Variants in ECT2L observed in about 807,000 individuals in gnomAD.
ECT2L encodes epithelial cell transforming 2 like.
In ECT2L, 126 loss-of-function variants were observed where a neutral mutation model predicts 122.8. The observed-to-expected ratio is 1.03, with a 90% confidence interval of 0.89 to 1.19. The LOEUF (loss-of-function observed/expected upper bound fraction) is 1.19, where lower values mean the gene tolerates loss of function less well. Ranked by LOEUF, ECT2L falls within the 50% of genes most tolerant of loss-of-function variation. ECT2L has a pLI of 0.00. For synonymous variants in ECT2L, 385 were observed against 381.8 expected, an observed-to-expected ratio of 1.01 and a Z score of -0.10; for missense variants, 1,012 against 1,064.1, an observed-to-expected ratio of 0.95 and a Z score of 0.68.
chr6:138,821,674 A>G (rs1182934081), intron 4 of ECT2L, among the ~76,000 whole-genome samples: 2 of 152,268 alleles, frequency 1.3e-5, no homozygotes, highest in Admixed American at 6.5e-5. Context: ...TTCTTCATTT[A>G]GCATTGAACA....
chr6:138,894,998 C>G (rs1779160719), intron 20 of ECT2L, among the ~76,000 whole-genome samples: 1 of 152,052 alleles, frequency 6.6e-6, no homozygotes, highest in Non-Finnish European at 1.5e-5. Context: ...GTGGCTCATT[C>G]CCGTAATCCC....
At chr6:138,876,346 T>C in intron 13 of ECT2L, 126 bp from the exon 14 acceptor site, 2 of 586,224 alleles carry the variant, frequency 3.4e-6, no homozygotes, top group Non-Finnish European at 6.1e-6. Context: ...TAACTCATTG[T>C]GTGTAGGGAA....
At chr6:138,871,973 T>C (rs777568058) in intron 13 of ECT2L, among the ~76,000 whole-genome samples, 1 of 150,300 alleles carries the variant, frequency 6.7e-6, no homozygotes, top group Non-Finnish European at 1.5e-5. Context: ...CTTTATTTTA[T>C]TTTTTAATTT....
intron 10 of ECT2L, among the ~76,000 whole-genome samples, chr6:138,857,370 G>A (rs1462165138): frequency 6.6e-6 from 1 of 152,148 alleles, no homozygotes; most frequent in Non-Finnish European, 1.5e-5. Flanking sequence ...ACTCAGTTAA[G>A]TCTGGGGTGG....
chr6:138,900,938 T>G lies in ECT2L; in HGVS notation c.2415-10T>G, dbSNP rs1018813864. 3.0e-5 allele frequency: 48 copies of G among 1,610,858 alleles called. No individual in the cohort carries two copies. Among genetic ancestry groups the G allele is most frequent in the Non-Finnish European group, 3.8e-5 (45 of 1,178,968 alleles). ...TGTATTAAAACTGTACCTTCTCCATTTTAACACAGGCTCTATGAACACATC... is the reference window on the plus strand; with the variant it reads ...TGTATTAAAACTGTACCTTCTCCATGTTAACACAGGCTCTATGAACACATC... On this transcript the variant is annotated splice_polypyrimidine_tract_variant and intron_variant, in intron 20 of 21. Transcript: ENST00000541398.
intron 1 of ECT2L, among the ~76,000 whole-genome samples, chr6:138,803,686 G>A (rs542373527): frequency 3.3e-5 from 5 of 152,244 alleles, no homozygotes; most frequent in Middle Eastern, 3.4e-3. Context: ...AGGAAACTGA[G>A]GCCCAAATAC....
chr6:138,876,034 G>A (rs545436645), intron 13 of ECT2L, among the ~76,000 whole-genome samples: 1 of 152,118 alleles, frequency 6.6e-6, no homozygotes, highest in African/African-American at 2.4e-5. Context: ...CAGGAGAATC[G>A]CTTGAACCTG....
chr6:138,882,812 T>C lies in ECT2L; in HGVS notation c.1969T>C (p.Leu657=). Residue 657 remains leucine (L), a synonymous_variant, in exon 16 of 22, where the codon TTA becomes CTA. Coordinates refer to ENST00000541398, the MANE Select transcript of ECT2L (RefSeq NM_001077706.3). ...GEIVTKFGSQ[L]NTYTNFFNNY... Reference sequence around the variant, plus strand: ...AATAGTCACGAAGTTTGGAAGCCAGTTAAACACATATACCAATTTCTTCAA... The same window carrying C: ...AATAGTCACGAAGTTTGGAAGCCAGCTAAACACATATACCAATTTCTTCAA... 6.2e-7 allele frequency: 1 copy of C among 1,614,216 alleles called. No individual in the cohort carries two copies. The highest frequency in any genetic ancestry group is 8.5e-7 in the Non-Finnish European group (1 of 1,180,032).
chr6:138,900,829 A>G, intron 20 of ECT2L, 119 bp from the exon 21 acceptor site: 2 of 1,103,524 alleles, frequency 1.8e-6, no homozygotes, highest in Non-Finnish European at 1.3e-6. Flanking sequence ...CCAGCCATTC[A>G]AAATGTCAGT....
intron 5 of ECT2L, among the ~76,000 whole-genome samples, chr6:138,840,203 G>A (rs1236588830): frequency 6.6e-6 from 1 of 152,070 alleles, no homozygotes; most frequent in Non-Finnish European, 1.5e-5. Context: ...GTAGGCTGAG[G>A]AAGCTGAGGA....
At chr6:138,799,965 G>C (rs982988207) in intron 1 of ECT2L, among the ~76,000 whole-genome samples, 10 of 152,194 alleles carry the variant, frequency 6.6e-5, no homozygotes, top group Non-Finnish European at 1.3e-4. Flanking sequence ...GTGTCAGTCA[G>C]TGTAGACACT....
rs1167591342 is a variant in ECT2L, at chr6:138,873,896, G to GTGTGTGTGTGTGTGTGTGTA, written c.1579-2557_1579-2556insATGTGTGTGTGTGTGTGTGT. On this transcript the variant is annotated intron_variant, in intron 13 of 21. Transcript: ENST00000541398. ...ACTGTGTGTGTGTGTGTGTGTGTGT[G>GTGTGTGTGTGTGTGTGTGTA]TGTGTGTGTGTGTGTGTGTCCATCC... Among the ~76,000 whole-genome samples, 563 of 149,742 alleles carry GTGTGTGTGTGTGTGTGTGTA rather than the reference G, an allele frequency of 3.8e-3. 5 individuals are homozygous for GTGTGTGTGTGTGTGTGTGTA. Among genetic ancestry groups the GTGTGTGTGTGTGTGTGTGTA allele is most frequent in the African/African-American group, 0.013 (528 of 40,668 alleles).
intron 9 of ECT2L, among the ~76,000 whole-genome samples, chr6:138,852,195 G>A (rs6939469): frequency 6.6e-6 from 1 of 152,210 alleles, no homozygotes; most frequent in Non-Finnish European, 1.5e-5. Flanking sequence ...TCCCGGCGGG[G>A]CAGAGGTTGA....
chr6:138,820,665 T>C (rs947215101), intron 4 of ECT2L, among the ~76,000 whole-genome samples: 5 of 152,092 alleles, frequency 3.3e-5, no homozygotes, highest in Admixed American at 3.3e-4. Flanking sequence ...CAAAAAGCAA[T>C]TAGCAGTGAA....
At position 138,881,093 on chromosome 6, in the gene ECT2L, C is replaced by T. The variant is rs587778241; in HGVS notation, c.1802C>T (p.Ser601Leu). ...GTCGCACCACTGAAAGCAGCATTGT[C>T]ATCAAACAGAGCGATTCTGAGTGCT... ...VYVAPLKAAL[S>L]SNRAILSAAN... The change falls in exon 15 of 22, where the codon TCA becomes TTA. Residue 601 changes from serine to leucine, a missense_variant. Physicochemically the swap from Ser to Leu is moderately radical, Grantham distance 145. Transcript: ENST00000541398. The T allele has an allele frequency of 4.3e-6, 7 of 1,614,072 alleles. No homozygotes were observed. The East Asian group carries it at 1.6e-4, about 36-fold the overall frequency.
In ECT2L at chr6:138,804,381, C is replaced by A. The variant is rs184874168; in HGVS notation, c.-244+8189C>A. Among the ~76,000 whole-genome samples the A allele has an allele frequency of 2.4e-3, 361 of 152,274 alleles. 1 individual carries two copies. The highest frequency in any genetic ancestry group is 0.014 in the Middle Eastern group (4 of 294). On this transcript the variant is annotated intron_variant, in intron 1 of 21. Coordinates refer to ENST00000541398, the MANE Select transcript of ECT2L (RefSeq NM_001077706.3). ...GTCATCTAACAAGTGTCCCTGTATA[C>A]CTGGGTCTATTTTGGAGTTTCTCTT... is the stretch of plus-strand genomic sequence containing the variant.
intron 16 of ECT2L, among the ~76,000 whole-genome samples, chr6:138,883,978 C>T (rs1007798926): frequency 6.6e-6 from 1 of 152,160 alleles, no homozygotes; most frequent in Non-Finnish European, 1.5e-5. Context: ...ATCCTCCCAC[C>T]TCAGCCTACC....
chr6:138,800,095 T>G, intron 1 of ECT2L, among the ~76,000 whole-genome samples: 1 of 152,080 alleles, frequency 6.6e-6, no homozygotes, highest in Non-Finnish European at 1.5e-5. Context: ...CAGATTGGGG[T>G]CTTCTATTTT....
intron 8 of ECT2L, 97 bp from the exon 9 acceptor site, chr6:138,849,172 A>T: frequency 8.2e-7 from 1 of 1,221,038 alleles, no homozygotes; most frequent in Non-Finnish European, 1.1e-6. Flanking sequence ...AATTCTTTAG[A>T]AATCACGGCG....
Sources: allele counts gnomAD v4.1 joint callset (sites outside exome capture counted in the v4.1 genomes callset), GRCh38; gene constraint gnomAD v4.1.1; transcripts MANE v1.5; gene names NCBI Gene and HGNC (gene_info 2026-07-23, HGNC 2026-07-21).